Variants in PIK3C2G observed in about 807,000 individuals in gnomAD.
PIK3C2G encodes the protein phosphatidylinositol-4-phosphate 3-kinase catalytic subunit type 2 gamma, also known as phosphatidylinositol 3-kinase C2 domain-containing subunit gamma.
A neutral mutation model predicts 181.1 loss-of-function variants in PIK3C2G; 168 were observed. That is an observed-to-expected ratio of 0.93 (90% CI 0.82 to 1.05). The LOEUF (loss-of-function observed/expected upper bound fraction) is 1.05. Among genes scored for constraint, PIK3C2G ranks in the 50% least tolerant of loss-of-function variants. PIK3C2G has a pLI of 0.00. For synonymous variants in PIK3C2G, 573 were observed against 592.2 expected, an observed-to-expected ratio of 0.97 and a Z score of 0.47; for missense variants, 1,869 against 1,732.8, an observed-to-expected ratio of 1.08 and a Z score of -1.40.
chr12:18,535,828 A>C (rs570275288), intron 24 of PIK3C2G, among the ~76,000 whole-genome samples: 1 of 152,236 alleles, frequency 6.6e-6, no homozygotes, highest in South Asian at 2.1e-4. Context: ...AGTGAGCAAT[A>C]TATAAAAAAT....
intron 12 of PIK3C2G, among the ~76,000 whole-genome samples, chr12:18,370,085 T>C (rs1444994093): frequency 6.6e-6 from 1 of 152,092 alleles, no homozygotes; most frequent in Non-Finnish European, 1.5e-5. Context: ...TGATCATATA[T>C]GAGAACCTGA....
chr12:18,299,872 T>C (rs1950104928), intron 5 of PIK3C2G, among the ~76,000 whole-genome samples: 2 of 151,906 alleles, frequency 1.3e-5, no homozygotes, highest in South Asian at 2.1e-4. Context: ...TTTGCATCCC[T>C]AGGCTCTTAC....
Position 18,546,350 on chromosome 12 carries a change from A to T in PIK3C2G, c.3508A>T (p.Ser1170Cys), listed in dbSNP as rs372663507. 260 of 1,597,914 alleles carry T rather than the reference A, an allele frequency of 1.6e-4. No individual in the cohort carries two copies. The highest frequency in any genetic ancestry group is 1.9e-4 in the Non-Finnish European group (219 of 1,170,444). Residue 1170 changes from serine to cysteine, a missense_variant, in exon 26 of 33, where the codon AGT (serine) becomes TGT (cysteine). Transcript: ENST00000538779. ...GCTGTATGCAGGACTGCCTGAGCTA[A>T]GTGGAATTCAAGACCTGAAATATGT... ...MMLYAGLPEL[S>C]GIQDLKYVYN...
At chr12:18,465,669 T>C (rs1376060041) in intron 18 of PIK3C2G, among the ~76,000 whole-genome samples, 1 of 151,896 alleles carries the variant, frequency 6.6e-6, no homozygotes, top group African/African-American at 2.4e-5. Flanking sequence ...TTCATCATTC[T>C]ACTTGTTTCT....
the PIK3C2G span, among the ~76,000 whole-genome samples, chr12:18,665,560 A>G: frequency 6.6e-6 from 1 of 152,168 alleles, no homozygotes; most frequent in African/African-American, 2.4e-5. Flanking sequence ...TGGGAGGCCA[A>G]GGCAGGCAGA....
In PIK3C2G at chr12:18,391,035, T is replaced by C; in HGVS notation, c.1996-87T>C. On this transcript the variant is annotated intron_variant, in intron 14 of 32. Transcript: ENST00000538779. ...AAATAGAATTTATTCTGTTCTTTAG[T>C]TTCTATAAATCTAAGATAGGAATAT... 4 of 902,040 alleles carry C rather than the reference T, an allele frequency of 4.4e-6. No homozygotes were observed. In the East Asian group the frequency reaches 9.2e-5, roughly 21 times the overall value. The allele number at this position is 902,040 out of a possible 1,614,324, so 55.9% of individuals were successfully genotyped here.
the PIK3C2G span, among the ~76,000 whole-genome samples, chr12:18,677,187 C>T: frequency 6.6e-6 from 1 of 152,068 alleles, no homozygotes; most frequent in African/African-American, 2.4e-5. Flanking sequence ...AGATCCTGGT[C>T]AGGCTGCTTG....
chr12:18,250,358 T>G (rs965038072), intron 1 of PIK3C2G, among the ~76,000 whole-genome samples: 2 of 152,060 alleles, frequency 1.3e-5, no homozygotes, highest in African/African-American at 4.8e-5. Flanking sequence ...ATTATTGTCC[T>G]TTTTCATACT....
At chr12:18,696,420 A>T in the PIK3C2G span, among the ~76,000 whole-genome samples, 4 of 146,696 alleles carry the variant, frequency 2.7e-5, no homozygotes, top group African/African-American at 1.0e-4. Flanking sequence ...CAATTCATGA[A>T]TATCAAAATA....
chr12:18,649,422 C>T (rs577211779), downstream of PIK3C2G, among the ~76,000 whole-genome samples: 17 of 152,214 alleles, frequency 1.1e-4, no homozygotes, highest in Non-Finnish European at 2.5e-4. Flanking sequence ...AAATCCTCTT[C>T]TACTCAAATC....
intron 30 of PIK3C2G, among the ~76,000 whole-genome samples, chr12:18,600,888 G>A (rs922945685): frequency 6.6e-5 from 10 of 151,992 alleles, no homozygotes; most frequent in Non-Finnish European, 1.3e-4. Flanking sequence ...CTTAAAAGCA[G>A]ACAATTTCAT....
At chr12:18,396,443 G>T (rs575671209) in intron 15 of PIK3C2G, among the ~76,000 whole-genome samples, 3 of 151,292 alleles carry the variant, frequency 2.0e-5, no homozygotes, top group African/African-American at 7.3e-5. Flanking sequence ...TTCTCCTAAG[G>T]TTAGAAACAA....
upstream of PIK3C2G, among the ~76,000 whole-genome samples, chr12:18,259,157 T>A (rs1948177982): frequency 2.0e-5 from 3 of 152,100 alleles, no homozygotes; most frequent in South Asian, 6.2e-4. Flanking sequence ...ATAGCAGAAA[T>A]CTTGTCGGTC....
At chr12:18,695,340 C>T in the PIK3C2G span, among the ~76,000 whole-genome samples, 101 of 152,210 alleles carry the variant, frequency 6.6e-4, no homozygotes, top group African/African-American at 2.3e-3. Context: ...GTATCCAGTA[C>T]AGATTACAGA....
the PIK3C2G span, chr12:18,683,102 T>C: frequency 1.3e-6 from 1 of 772,914 alleles, no homozygotes; most frequent in Non-Finnish European, 2.1e-6. Context: ...TTGTATATTT[T>C]TAAGTGAATG....
intron 16 of PIK3C2G, among the ~76,000 whole-genome samples, chr12:18,409,290 C>T (rs1019620084): frequency 6.6e-6 from 1 of 152,110 alleles, no homozygotes; most frequent in African/African-American, 2.4e-5. Flanking sequence ...AGCAAACTAA[C>T]ATGAGAACAG....
chr12:18,282,681 T>C lies in PIK3C2G; in HGVS notation c.600T>C (p.Ile200=), dbSNP rs928917899. ...EENKRSGHVN[I]VEPSLMLLKG... ...ATAAAAGGAGTGGACATGTGAACATTGTGGAACCATCTTTGATGCTTTTGA... is the reference window on the plus strand; with the variant it reads ...ATAAAAGGAGTGGACATGTGAACATCGTGGAACCATCTTTGATGCTTTTGA... Residue 200 remains isoleucine (I), a synonymous_variant, in exon 2 of 33, where the codon ATT becomes ATC. Coordinates refer to ENST00000538779, the MANE Select transcript of PIK3C2G (RefSeq NM_001288772.2). 1.2e-6 allele frequency: 2 copies of C among 1,613,494 alleles called. No individual in the cohort carries two copies. The highest frequency in any genetic ancestry group is 2.2e-5 in the East Asian group (1 of 44,860).
chr12:18,365,969 A>G (rs1053952993), intron 12 of PIK3C2G, among the ~76,000 whole-genome samples: 12 of 152,126 alleles, frequency 7.9e-5, no homozygotes, highest in African/African-American at 2.9e-4. Context: ...ACATATCCAG[A>G]ATATGTTCTC....
rs1486841610 is a variant in PIK3C2G, at chr12:18,290,988, C to G, written c.895C>G (p.Gln299Glu). The G allele has an allele frequency of 6.2e-7, 1 of 1,601,240 alleles. No homozygotes were observed. Among genetic ancestry groups the G allele is most frequent in the Admixed American group, 1.7e-5 (1 of 59,682 alleles). The change falls in exon 4 of 33, where the codon CAA becomes GAA. Residue 299 changes from glutamine (Q) to glutamate (E), a missense_variant. Coordinates refer to ENST00000538779, the MANE Select transcript of PIK3C2G (RefSeq NM_001288772.2). Reference protein sequence around the residue: ...NIHIFIDNSTQPLHFMPCANY... With the variant: ...NIHIFIDNSTEPLHFMPCANY... The stretch of plus-strand genomic sequence containing the variant: ...ACATATTTTTATTGATAACTCAACA[C>G]AACCTCTTCATTTTATGCCATGTGG...
Sources: gnomAD v4.1 joint callset for allele counts (sites outside exome capture counted in the v4.1 genomes callset) on GRCh38, gnomAD v4.1.1 for gene constraint, MANE v1.5 for transcripts, NCBI Gene and HGNC (gene_info 2026-07-23, HGNC 2026-07-21) for gene names.